ULK4: variants seen among roughly 807,000 people sequenced by gnomAD.
ULK4 encodes the protein inactive serine/threonine-protein kinase ULK4.
In ULK4, 133 loss-of-function variants were observed where a neutral mutation model predicts 160.6. The ratio of observed to expected loss-of-function variants is 0.83; its 90% CI spans 0.72 to 0.96. The LOEUF is 0.96. Among genes scored for constraint, ULK4 ranks in the 40% least tolerant of loss-of-function variants. ULK4 has a pLI of 0.00. For synonymous variants in ULK4, 534 were observed against 539.8 expected (o/e 0.99, Z 0.15); for missense variants, 1,580 against 1,499.5 (o/e 1.05, Z -0.89).
At chr3:41,862,799 CTT>C (rs1412543553) in intron 17 of ULK4, among the ~76,000 whole-genome samples, 4 of 144,418 alleles carry the variant, frequency 2.8e-5, no homozygotes, top group Non-Finnish European at 6.0e-5. Flanking sequence ...TCCCCCCCCC[CTT>C]TCTCTCTCTC....
chr3:41,493,945 C>G (rs529551041), intron 32 of ULK4, among the ~76,000 whole-genome samples: 1 of 150,334 alleles, frequency 6.7e-6, no homozygotes, highest in Non-Finnish European at 1.5e-5. Flanking sequence ...CAACAGCTTA[C>G]CAACCAAAAA....
chr3:41,454,530 A>G (rs1160403512), intron 34 of ULK4, among the ~76,000 whole-genome samples: 4 of 132,726 alleles, frequency 3.0e-5, no homozygotes, highest in South Asian at 2.5e-4. Context: ...AGAGAGCAAG[A>G]CTTCATCTCA....
chr3:41,485,389 G>A (rs1352858962), intron 32 of ULK4, among the ~76,000 whole-genome samples: 3 of 152,286 alleles, frequency 2.0e-5, no homozygotes, highest in Middle Eastern at 6.8e-3. Context: ...CCCATAGGAA[G>A]TTGAATCTCT....
chr3:41,734,742 C>G (rs1197816761), intron 22 of ULK4, among the ~76,000 whole-genome samples: 6 of 152,218 alleles, frequency 3.9e-5, no homozygotes, highest in Non-Finnish European at 8.8e-5. Flanking sequence ...AAGCATTTTA[C>G]TTCCCTTTTT....
chr3:41,563,401 G>T (rs1432632769), intron 32 of ULK4, among the ~76,000 whole-genome samples: 1 of 152,088 alleles, frequency 6.6e-6, no homozygotes, highest in Non-Finnish European at 1.5e-5. Context: ...TTGAATGCTG[G>T]CCTGCCTTAC....
chr3:41,766,240 C>A, intron 21 of ULK4, among the ~76,000 whole-genome samples: 1 of 152,026 alleles, frequency 6.6e-6, no homozygotes, highest in African/African-American at 2.4e-5. Flanking sequence ...TGCACTCCAG[C>A]CTGGGCGTCA....
chr3:41,479,511 T>C (rs878984388), intron 32 of ULK4, among the ~76,000 whole-genome samples: 1 of 152,162 alleles, frequency 6.6e-6, no homozygotes, highest in African/African-American at 2.4e-5. Context: ...AAGGAGAGAC[T>C]TGAAGTGGAC....
chr3:41,571,804 T>C (rs908578027), intron 31 of ULK4, among the ~76,000 whole-genome samples: 6 of 152,144 alleles, frequency 3.9e-5, no homozygotes, highest in Admixed American at 3.3e-4. Context: ...GAAACATATA[T>C]TTTTCCAATC....
In ULK4 at chr3:41,898,497, G is replaced by T. The variant is rs752650969; in HGVS notation, c.1288-5C>A. ...AACTGGTGGCTGTTTCATTATCTGT[G>T]GTTTAAAAAAAAAGAAAGCTTTTGA... On this transcript the variant is annotated splice_region_variant and splice_polypyrimidine_tract_variant and intron_variant, in intron 13 of 36. Transcript: ENST00000301831. 31 of 1,568,762 alleles carry T rather than the reference G, an allele frequency of 2.0e-5. No individual in the cohort carries two copies. The highest frequency in any genetic ancestry group is 1.8e-5 in the Non-Finnish European group (21 of 1,153,290).
At chr3:41,805,198 C>T (rs1388663173) in intron 19 of ULK4, among the ~76,000 whole-genome samples, 11 of 152,274 alleles carry the variant, frequency 7.2e-5, no homozygotes, top group East Asian at 3.9e-4. Flanking sequence ...AGGTCCTTCA[C>T]GTCCCTTGTA....
At chr3:41,856,567 A>G (rs1559611127) in intron 17 of ULK4, among the ~76,000 whole-genome samples, 3 of 84,764 alleles carry the variant, frequency 3.5e-5, no homozygotes, top group African/African-American at 7.1e-5. Context: ...ATATACACAT[A>G]TATATATGTG....
chr3:41,804,164 T>C (rs1489799264), intron 19 of ULK4, among the ~76,000 whole-genome samples: 1 of 151,864 alleles, frequency 6.6e-6, no homozygotes, highest in East Asian at 1.9e-4. Context: ...CCTGACTTTT[T>C]AATGATTGCC....
At chr3:41,499,234 T>C (rs1043861385) in intron 32 of ULK4, among the ~76,000 whole-genome samples, 6 of 152,194 alleles carry the variant, frequency 3.9e-5, no homozygotes, top group Admixed American at 1.3e-4. Flanking sequence ...AGTTTTTTAA[T>C]TGATGGAAAC....
intron 35 of ULK4, among the ~76,000 whole-genome samples, chr3:41,370,822 G>A (rs1435916128): frequency 6.6e-6 from 1 of 152,204 alleles, no homozygotes; most frequent in Non-Finnish European, 1.5e-5. Context: ...AAAGGGGGCT[G>A]AAGCCAGGGA....
At chr3:41,542,454 C>T (rs1470529740) in intron 32 of ULK4, among the ~76,000 whole-genome samples, 2 of 152,042 alleles carry the variant, frequency 1.3e-5, no homozygotes, top group Admixed American at 6.6e-5. Flanking sequence ...ATTTTTGCAT[C>T]GATGTTCATC....
intron 35 of ULK4, among the ~76,000 whole-genome samples, chr3:41,307,154 T>C (rs979726748): frequency 1.8e-5 from 2 of 110,562 alleles, no homozygotes; most frequent in African/African-American, 8.3e-5. Context: ...AAAAAATAAA[T>C]AAATTAAAAA....
intron 34 of ULK4, among the ~76,000 whole-genome samples, chr3:41,414,919 C>A (rs1335293093): frequency 6.6e-6 from 1 of 152,116 alleles, no homozygotes; most frequent in Non-Finnish European, 1.5e-5. Context: ...AGGCAGAAAA[C>A]CTGCCACCAT....
At chr3:41,341,414 A>C (rs907854931) in intron 35 of ULK4, among the ~76,000 whole-genome samples, 5 of 152,164 alleles carry the variant, frequency 3.3e-5, no homozygotes. Context: ...CAACCATGAG[A>C]CTTGATTTAG....
chr3:41,402,129 T>C (rs979067673), intron 34 of ULK4, among the ~76,000 whole-genome samples: 5 of 152,228 alleles, frequency 3.3e-5, no homozygotes, highest in African/African-American at 1.2e-4. Flanking sequence ...ATTGATTTTT[T>C]ACTGAGGTAT....
Sources: gnomAD v4.1 joint callset for allele counts (sites outside exome capture counted in the v4.1 genomes callset) on GRCh38, gnomAD v4.1.1 for gene constraint, MANE v1.5 for transcripts, NCBI Gene and HGNC (gene_info 2026-07-23, HGNC 2026-07-21) for gene names.